The following UNC80 variants were observed in gnomAD, a reference collection of about 807,000 sequenced individuals.
UNC80 encodes the protein unc-80 subunit of NALCN channel complex, also known as protein unc-80 homolog.
A neutral mutation model predicts 384.6 loss-of-function variants in UNC80; 164 were observed. That is an observed-to-expected ratio of 0.43 (90% CI 0.38 to 0.49). The LOEUF (loss-of-function observed/expected upper bound fraction) is 0.49. UNC80 is among the 20% of genes least tolerant of loss of function. The pLI is 0.00. For synonymous variants in UNC80, 1,486 were observed against 1,527.8 expected (o/e 0.97, Z 0.64); for missense variants, 3,330 against 4,143.0 (o/e 0.80, Z 5.39).
chr2:209,988,624 A>G (rs1402659093), intron 61 of UNC80, among the ~76,000 whole-genome samples: 1 of 152,202 alleles, frequency 6.6e-6, no homozygotes, highest in African/African-American at 2.4e-5. Flanking sequence ...ATGCATACAT[A>G]TTTATATACT....
chr2:209,822,557 C>CAA, intron 13 of UNC80, among the ~76,000 whole-genome samples: 1 of 147,672 alleles, frequency 6.8e-6, no homozygotes, highest in African/African-American at 2.6e-5. Flanking sequence ...AAATTAGAAA[C>CAA]CAAAAAAAAG....
intron 39 of UNC80, 124 bp downstream of exon 39, chr2:209,934,129 G>A (rs2091081965): frequency 4.4e-6 from 4 of 915,364 alleles, no homozygotes; most frequent in Non-Finnish European, 1.6e-6. Flanking sequence ...AGTATTGAGT[G>A]CTTCAAAGAA....
intron 15 of UNC80, among the ~76,000 whole-genome samples, chr2:209,829,979 G>C (rs1044405686): frequency 6.6e-6 from 1 of 152,170 alleles, no homozygotes; most frequent in Non-Finnish European, 1.5e-5. Flanking sequence ...AAGTTACAGG[G>C]GGAGACCAAT....
intron 4 of UNC80, among the ~76,000 whole-genome samples, chr2:209,784,635 A>G (rs570621662): frequency 2.6e-5 from 4 of 152,262 alleles, no homozygotes; most frequent in Admixed American, 6.5e-5. Flanking sequence ...CACTTTCTCA[A>G]TAAGGCTTCA....
At chr2:209,808,213 A>AG in intron 7 of UNC80, among the ~76,000 whole-genome samples, 1 of 152,330 alleles carries the variant, frequency 6.6e-6, no homozygotes, top group East Asian at 1.9e-4. Flanking sequence ...TGTTGCCCTC[A>AG]GGGACAACAC....
intron 5 of UNC80, among the ~76,000 whole-genome samples, chr2:209,787,119 G>A (rs183216590): frequency 2.6e-5 from 4 of 151,604 alleles, no homozygotes; most frequent in Admixed American, 2.0e-4. Context: ...TAACATATAA[G>A]CTATAATTTA....
intron 25 of UNC80, among the ~76,000 whole-genome samples, chr2:209,882,496 G>A (rs1049305391): frequency 1.3e-5 from 2 of 152,200 alleles, no homozygotes; most frequent in Non-Finnish European, 2.9e-5. Context: ...GCTCTCAAGA[G>A]AAACACCCAC....
chr2:209,896,593 T>C (rs199920586), intron 28 of UNC80, among the ~76,000 whole-genome samples, 180 bp downstream of exon 28: 1 of 152,192 alleles, frequency 6.6e-6, no homozygotes, highest in Non-Finnish European at 1.5e-5. Context: ...TTCTGCTGGA[T>C]TGTACTCATC....
At chr2:209,952,871 T>C (rs769538777) in intron 47 of UNC80, among the ~76,000 whole-genome samples, 18 of 152,192 alleles carry the variant, frequency 1.2e-4, no homozygotes, top group Non-Finnish European at 2.2e-4. Flanking sequence ...AAGAGTATCA[T>C]AGTTCTTTCT....
Position 209,842,383 on chromosome 2 carries a change from G to T in UNC80, c.3391G>T (p.Gly1131Cys). The change falls in exon 21 of 65, where the codon GGT becomes TGT. Residue 1131 changes from glycine to cysteine, a missense_variant. Physicochemically the swap from Gly to Cys is radical, Grantham distance 159. Transcript: ENST00000673920. The part of the protein sequence containing the change: ...KFTSAVKLSE[G>C]GPGSGMENGR... ...CACTAGTGCTGTGAAGCTTTCTGAA[G>T]GTGGGCCAGGAAGTGGCATGGAAAA... 6.4e-7 allele frequency: 1 copy of T among 1,550,912 alleles called. No homozygotes were observed. The highest frequency in any genetic ancestry group is 8.7e-7 in the Non-Finnish European group (1 of 1,146,656).
chr2:209,861,934 A>G (rs2083373395), intron 22 of UNC80, among the ~76,000 whole-genome samples: 1 of 151,944 alleles, frequency 6.6e-6, no homozygotes, highest in African/African-American at 2.4e-5. Context: ...CTTCTTCTTT[A>G]TTAATCTAGC....
rs2077664917 is a variant in UNC80 at position 209,789,573 on chromosome 2, G to A, written c.766G>A (p.Glu256Lys). 2 of 1,613,474 alleles carry A rather than the reference G, an allele frequency of 1.2e-6. No individual in the cohort carries two copies. Among genetic ancestry groups the A allele is most frequent in the East Asian group, 4.5e-5 (2 of 44,834 alleles). Residue 256 changes from glutamate to lysine, a missense_variant, in exon 6 of 65, where the codon GAA (glutamate) becomes AAA (lysine). Around this residue, in one of 8 missense-constraint regions of UNC80, gnomAD observed 937 missense variants for 1,026.8 expected, o/e 0.91. Transcript: ENST00000673920. ...TATCAACAGTCAAAGCCGGACCTGT[G>A]AATCACCAAATCAAGATGCAAGACA... ...SPINSQSRTC[E>K]SPNQDARHLE...
At chr2:209,824,617 A>G (rs1284664664) in intron 13 of UNC80, among the ~76,000 whole-genome samples, 1 of 152,156 alleles carries the variant, frequency 6.6e-6, no homozygotes, top group Non-Finnish European at 1.5e-5. Flanking sequence ...ATCTGAGGGC[A>G]GTGAGCCATC....
chr2:209,977,971 G>A (rs1021497217), intron 58 of UNC80, among the ~76,000 whole-genome samples: 3 of 152,224 alleles, frequency 2.0e-5, no homozygotes, highest in East Asian at 1.9e-4. Flanking sequence ...AAATTGACAG[G>A]TATAATCCTG....
At chr2:209,776,951 A>G (rs2076899354) in intron 3 of UNC80, among the ~76,000 whole-genome samples, 1 of 152,182 alleles carries the variant, frequency 6.6e-6, no homozygotes, top group East Asian at 1.9e-4. Flanking sequence ...TCTAGGTCAC[A>G]TTGTCTAAAA....
intron 25 of UNC80, among the ~76,000 whole-genome samples, chr2:209,882,887 G>A (rs1176351542): frequency 1.3e-5 from 2 of 151,978 alleles, no homozygotes; most frequent in Non-Finnish European, 1.5e-5. Context: ...CCTTATTATT[G>A]TAACAAATTT....
rs552057218 is a variant in UNC80, at chr2:209,848,540, A to G, written c.3455-911A>G. On this transcript the variant is annotated intron_variant, in intron 21 of 64. Coordinates refer to ENST00000673920, the MANE Select transcript of UNC80 (RefSeq NM_001371986.1). ...TCACACTTGCAAAAATAATTTAGAA[A>G]TGGCCATATTTGCTTCATCTATCTT... Among the ~76,000 whole-genome samples the G allele has an allele frequency of 5.9e-5, 9 of 152,278 alleles. 1 individual carries two copies. The East Asian group carries it at 1.5e-3, about 26-fold the overall frequency.
At chr2:209,931,922 T>C (rs187272887) in intron 38 of UNC80, among the ~76,000 whole-genome samples, 3 of 152,278 alleles carry the variant, frequency 2.0e-5, no homozygotes, top group Middle Eastern at 3.4e-3. Flanking sequence ...TGGATAAAAA[T>C]GCATAGTCTC....
At chr2:209,804,851 C>T (rs897677741) in intron 7 of UNC80, among the ~76,000 whole-genome samples, 5 of 151,336 alleles carry the variant, frequency 3.3e-5, no homozygotes, top group African/African-American at 1.2e-4. Context: ...CTGCAAGCTC[C>T]GAAAGGGCCT....
Sources: allele counts gnomAD v4.1 joint callset (sites outside exome capture counted in the v4.1 genomes callset), GRCh38; gene constraint gnomAD v4.1.1; regional missense constraint gnomAD v4.1.1; transcripts MANE v1.5; gene names NCBI Gene and HGNC (gene_info 2026-07-23, HGNC 2026-07-21).